PDCD10: variants seen among roughly 807,000 people sequenced by gnomAD.
PDCD10 encodes programmed cell death 10.
PDCD10 carries 4 observed loss-of-function variants against 29.2 expected under a neutral mutation model. That is an observed-to-expected ratio of 0.14 (90% CI 0.07 to 0.31). The LOEUF is 0.31. Among genes scored for constraint, PDCD10 ranks in the 10% least tolerant of loss-of-function variants. PDCD10 has a pLI of 1.00. For synonymous variants in PDCD10, 70 were observed against 82.2 expected (o/e 0.85, Z 0.80); for missense variants, 183 against 257.9 (o/e 0.71, Z 1.99).
At chr3:167,727,114 G>A (rs1724271397) in intron 2 of PDCD10, among the ~76,000 whole-genome samples, 1 of 152,138 alleles carries the variant, frequency 6.6e-6, no homozygotes, top group Non-Finnish European at 1.5e-5. Context: ...CCCAGAAGCA[G>A]GCTGGGTAGC....
chr3:167,714,215 C>T (rs183837007), intron 3 of PDCD10, among the ~76,000 whole-genome samples: 7 of 152,102 alleles, frequency 4.6e-5, no homozygotes, highest in East Asian at 1.9e-4. Flanking sequence ...TATCCCAGGA[C>T]GCAAGGATGG....
At chr3:167,695,793 C>G in intron 5 of PDCD10, 71 bp from the exon 6 acceptor site, 1 of 1,494,266 alleles carries the variant, frequency 6.7e-7, no homozygotes, top group Non-Finnish European at 9.3e-7. Flanking sequence ...TAAGAATTTC[C>G]AATGTTGGTC....
intron 4 of PDCD10, among the ~76,000 whole-genome samples, chr3:167,702,353 A>G (rs188030560): frequency 2.0e-5 from 3 of 152,268 alleles, no homozygotes; most frequent in South Asian, 2.1e-4. Flanking sequence ...TGAATAATAA[A>G]TATATTTTCT....
In PDCD10 at chr3:167,684,285, A is replaced by C. The variant is rs752597706; in HGVS notation, c.*23T>G. 1 of 1,328,026 alleles carries C rather than the reference A, an allele frequency of 7.5e-7. No individual in the cohort carries two copies. Among genetic ancestry groups the C allele is most frequent in the Non-Finnish European group, 1.1e-6 (1 of 919,052 alleles). The allele number at this position is 1,328,026 out of a possible 1,614,324, so 82.3% of individuals were successfully genotyped here. On this transcript the variant is annotated 3_prime_UTR_variant, in exon 9 of 9. Coordinates refer to ENST00000392750, the MANE Select transcript of PDCD10 (RefSeq NM_007217.4). ...CAGTTCAATACTGCCACTGAGAAGT[A>C]CATCTCTTAACATATACAACTTTCA...
rs1559952472 is a variant in PDCD10 at position 167,695,730 on chromosome 3, A to C, written c.269-8T>G. 2.5e-6 allele frequency: 4 copies of C among 1,612,978 alleles called. No homozygotes were observed. Among genetic ancestry groups the C allele is most frequent in the Non-Finnish European group, 3.4e-6 (4 of 1,178,992 alleles). On this transcript the variant is annotated splice_polypyrimidine_tract_variant and splice_region_variant and intron_variant, in intron 5 of 8. Coordinates refer to ENST00000392750, the MANE Select transcript of PDCD10 (RefSeq NM_007217.4). ...GTCGTTCAATCATATACTCTGATAA[A>C]ATAAATACATAATAAAAAACATCCT...
intron 4 of PDCD10, among the ~76,000 whole-genome samples, chr3:167,698,735 GA>G (rs1721069572): frequency 7.2e-6 from 1 of 139,700 alleles, no homozygotes; most frequent in South Asian, 2.1e-4. Context: ...ATCTTGGGGA[GA>G]GGGGGAACAT....
intron 3 of PDCD10, among the ~76,000 whole-genome samples, chr3:167,710,915 G>A (rs988034395): frequency 3.9e-5 from 6 of 152,190 alleles, no homozygotes; most frequent in Non-Finnish European, 8.8e-5. Context: ...CTCTGCCTGG[G>A]AATCCAGAGA....
At chr3:167,698,274 C>T (rs963273609) in intron 4 of PDCD10, among the ~76,000 whole-genome samples, 1 of 152,168 alleles carries the variant, frequency 6.6e-6, no homozygotes, top group Non-Finnish European at 1.5e-5. Flanking sequence ...TCAGGAAAAT[C>T]ATTTTGATAG....
chr3:167,684,830 T>G (rs1222633269), intron 8 of PDCD10, among the ~76,000 whole-genome samples: 1 of 152,130 alleles, frequency 6.6e-6, no homozygotes, highest in African/African-American at 2.4e-5. Flanking sequence ...CCCAATCTCT[T>G]TATCTCCTTA....
At chr3:167,731,641 C>T (rs1724826325) in intron 2 of PDCD10, among the ~76,000 whole-genome samples, 1 of 152,142 alleles carries the variant, frequency 6.6e-6, no homozygotes, top group Admixed American at 6.5e-5. Flanking sequence ...TTACAATGTG[C>T]CAGGTACTGC....
chr3:167,700,656 C>T lies in PDCD10; in HGVS notation c.151-3530G>A, dbSNP rs545336559. Among the ~76,000 whole-genome samples, 23 of 152,166 alleles carry T rather than the reference C, an allele frequency of 1.5e-4. 1 individual carries two copies. In the South Asian group the frequency reaches 4.6e-3, roughly 30 times the overall value. Reference sequence around the variant, plus strand: ...CATACCTATAGACCCTAATATGATTCAAGAAAAAGCAAAGTCATTCTATGA... The same window carrying T: ...CATACCTATAGACCCTAATATGATTTAAGAAAAAGCAAAGTCATTCTATGA... On this transcript the variant is annotated intron_variant, in intron 4 of 8. Coordinates refer to ENST00000392750, the MANE Select transcript of PDCD10 (RefSeq NM_007217.4).
intron 2 of PDCD10, among the ~76,000 whole-genome samples, chr3:167,731,345 G>T (rs1367717550): frequency 6.6e-6 from 1 of 152,144 alleles, no homozygotes; most frequent in Non-Finnish European, 1.5e-5. Flanking sequence ...TGCGGCAAAT[G>T]AAAGTGATTC....
rs186873429 is a variant in PDCD10, at chr3:167,711,863, T to C, written c.97-6968A>G. Among the ~76,000 whole-genome samples, 36 of 152,198 alleles carry C rather than the reference T, an allele frequency of 2.4e-4. 1 individual carries two copies. In the East Asian group the frequency reaches 6.8e-3, roughly 29 times the overall value. On this transcript the variant is annotated intron_variant, in intron 3 of 8. Transcript: ENST00000392750. ...TACAGGCCATGAGAGAGTAGTATGA[T>C]ATATTTAAAATGCTGAAGGAAGAAA...
chr3:167,705,491 TG>T (rs1721884930), intron 3 of PDCD10, among the ~76,000 whole-genome samples: 1 of 152,170 alleles, frequency 6.6e-6, no homozygotes, highest in South Asian at 2.1e-4. Context: ...GCAACAAAAG[TG>T]TAAGTTTTGC....
intron 6 of PDCD10, among the ~76,000 whole-genome samples, chr3:167,692,395 A>G (rs1720343447): frequency 6.6e-6 from 1 of 152,232 alleles, no homozygotes; most frequent in Non-Finnish European, 1.5e-5. Context: ...TGTTTTGACT[A>G]CAACCCATCC....
chr3:167,683,400 G>T lies in PDCD10; in HGVS notation c.*908C>A, dbSNP rs963393387. ...AACTTCTCTATGGTGAAATAAAACTGTACCTAGTTGAAGAGTGTATATAAT... is the reference window on the plus strand; with the variant it reads ...AACTTCTCTATGGTGAAATAAAACTTTACCTAGTTGAAGAGTGTATATAAT... On this transcript the variant is annotated 3_prime_UTR_variant, in exon 9 of 9. Transcript: ENST00000392750. 1 of 151,874 alleles carries T rather than the reference G, an allele frequency of 6.6e-6. No individual in the cohort carries two copies. Among genetic ancestry groups the T allele is most frequent in the Non-Finnish European group, 1.5e-5 (1 of 67,918 alleles). The allele number at this position is 151,874 out of a possible 1,614,324, so 9.4% of individuals were successfully genotyped here. A position where few individuals can be genotyped will look rare whatever the true frequency, so the allele number is the denominator to read the frequency against.
intron 2 of PDCD10, among the ~76,000 whole-genome samples, chr3:167,727,359 C>A (rs1308984978): frequency 6.6e-6 from 1 of 152,204 alleles, no homozygotes; most frequent in Non-Finnish European, 1.5e-5. Context: ...TTGTGACAAT[C>A]CTCATTTTTT....
chr3:167,701,983 A>T (rs2108428927), intron 4 of PDCD10, among the ~76,000 whole-genome samples: 1 of 152,322 alleles, frequency 6.6e-6, no homozygotes, highest in South Asian at 2.1e-4. Flanking sequence ...AAGAAGACAA[A>T]GGAGTGCCAG....
intron 3 of PDCD10, among the ~76,000 whole-genome samples, chr3:167,709,877 TTATCTTG>T: frequency 6.6e-6 from 1 of 152,252 alleles, no homozygotes; most frequent in East Asian, 1.9e-4. Flanking sequence ...AGTGTGTCTT[TTATCTTG>T]TATACCAGCT....
Sources: allele counts gnomAD v4.1 joint callset (sites outside exome capture counted in the v4.1 genomes callset), GRCh38; gene constraint gnomAD v4.1.1; transcripts MANE v1.5; gene names NCBI Gene and HGNC (gene_info 2026-07-23, HGNC 2026-07-21).